Variants in TEX2 observed in about 807,000 individuals in gnomAD.
TEX2 encodes testis-expressed protein 2.
A neutral mutation model predicts 106.9 loss-of-function variants in TEX2; 53 were observed. The observed-to-expected ratio is 0.50, with a 90% CI of 0.40 to 0.62. The LOEUF (loss-of-function observed/expected upper bound fraction) is 0.62. Ranked by LOEUF, TEX2 falls within the 20% of genes least tolerant of loss-of-function variation. The probability of loss-of-function intolerance (pLI) is 0.00; values close to 1 mark genes in which losing one functional copy is unlikely to be tolerated. For synonymous variants in TEX2, 523 were observed against 534.8 expected (o/e 0.98, Z 0.30); for missense variants, 1,207 against 1,379.0 (o/e 0.88, Z 1.98).
At chr17:64,201,059 A>C (rs1361392663) in intron 2 of TEX2, among the ~76,000 whole-genome samples, 1 of 152,222 alleles carries the variant, frequency 6.6e-6, no homozygotes, top group African/African-American at 2.4e-5. Context: ...TTGTTAGCCT[A>C]AATGAGACCC....
chr17:64,197,988 T>G (rs1382085600), intron 2 of TEX2, among the ~76,000 whole-genome samples: 2 of 152,220 alleles, frequency 1.3e-5, no homozygotes, highest in Admixed American at 6.5e-5. Context: ...GACTTTATCT[T>G]TAGGCCCACA....
chr17:64,188,429 G>A lies in TEX2; in HGVS notation c.2177-14C>T. On this transcript the variant is annotated splice_polypyrimidine_tract_variant and intron_variant, in intron 4 of 11. Transcript: ENST00000584379. ...CAGGCAAAAGCCCTGGAGCCAAGAA[G>A]ACGGGGGCTATTCACACAATGAAGA... The A allele has an allele frequency of 6.2e-7, 1 of 1,613,818 alleles. No homozygotes were observed. The highest frequency in any genetic ancestry group is 8.5e-7 in the Non-Finnish European group (1 of 1,179,842).
At chr17:64,179,766 A>AT (rs1029388729) in intron 5 of TEX2, among the ~76,000 whole-genome samples, 14 of 73,704 alleles carry the variant, frequency 1.9e-4, no homozygotes, top group Non-Finnish European at 3.2e-4. Context: ...GGTGAGTCTC[A>AT]TTTAAAAAAA....
At chr17:64,239,904 A>AAAAAAAAAT in intron 1 of TEX2, among the ~76,000 whole-genome samples, 1 of 118,848 alleles carries the variant, frequency 8.4e-6, no homozygotes, top group Non-Finnish European at 1.8e-5. Context: ...AAAAAAAAAA[A>AAAAAAAAAT]GCAGAGAAGA....
intron 1 of TEX2, chr17:64,230,581 T>C (rs1555634507): frequency 2.0e-5 from 3 of 152,182 alleles, no homozygotes; most frequent in Non-Finnish European, 2.9e-5. Flanking sequence ...GTTCAGTTAG[T>C]AGTAAATCAG....
At chr17:64,159,950 C>G (rs1414815654) in intron 8 of TEX2, among the ~76,000 whole-genome samples, 3 of 152,262 alleles carry the variant, frequency 2.0e-5, no homozygotes, top group Non-Finnish European at 4.4e-5. Context: ...AGGTCAGTAC[C>G]AGAACCAAGC....
intron 1 of TEX2, among the ~76,000 whole-genome samples, chr17:64,226,993 C>T (rs181587685): frequency 6.6e-6 from 1 of 151,954 alleles, no homozygotes; most frequent in South Asian, 2.1e-4. Context: ...TTTGGGAGGT[C>T]GAGGCAGGCA....
At chr17:64,252,617 T>C (rs2034113146) in intron 1 of TEX2, among the ~76,000 whole-genome samples, 1 of 152,152 alleles carries the variant, frequency 6.6e-6, no homozygotes, top group South Asian at 2.1e-4. Flanking sequence ...TGCTCAGCCA[T>C]ATAACCAAGT....
chr17:64,163,871 TGTA>T (rs938563156), intron 7 of TEX2, among the ~76,000 whole-genome samples: 6 of 152,248 alleles, frequency 3.9e-5, no homozygotes, highest in Admixed American at 2.0e-4. Flanking sequence ...CCCTTTCTTT[TGTA>T]GTCTTGACAA....
At chr17:64,245,183 G>T (rs539763333) in intron 1 of TEX2, among the ~76,000 whole-genome samples, 1 of 152,198 alleles carries the variant, frequency 6.6e-6, no homozygotes, top group African/African-American at 2.4e-5. Flanking sequence ...TTTTTACAAT[G>T]ACTACATGTA....
At chr17:64,253,589 T>C (rs1555637316) in intron 1 of TEX2, among the ~76,000 whole-genome samples, 1 of 152,058 alleles carries the variant, frequency 6.6e-6, no homozygotes, top group East Asian at 1.9e-4. Context: ...AGATGGTTGT[T>C]TGCACCAAAC....
At chr17:64,168,063 G>A (rs1037336512) in intron 7 of TEX2, among the ~76,000 whole-genome samples, 3 of 151,844 alleles carry the variant, frequency 2.0e-5, no homozygotes, top group African/African-American at 7.3e-5. Context: ...TAAAAAGAAT[G>A]TGAGGGGATC....
chr17:64,250,939 G>A (rs1419909233), intron 1 of TEX2, among the ~76,000 whole-genome samples: 1 of 152,136 alleles, frequency 6.6e-6, no homozygotes, highest in Non-Finnish European at 1.5e-5. Flanking sequence ...GGATCCACCT[G>A]CCTCAGCCTC....
At chr17:64,159,734 A>G (rs1433978312) in intron 8 of TEX2, among the ~76,000 whole-genome samples, 1 of 152,250 alleles carries the variant, frequency 6.6e-6, no homozygotes, top group Admixed American at 6.5e-5. Flanking sequence ...GAATCCAAAC[A>G]TATTTTAACA....
rs187252312 is a variant in TEX2 at position 64,208,616 on chromosome 17, G to A, written c.1644+3958C>T. On this transcript the variant is annotated intron_variant, in intron 2 of 11. Coordinates refer to ENST00000584379, the MANE Select transcript of TEX2 (RefSeq NM_001288732.2). ...TTAAACCCTATTTTTTTTAAAGCAA[G>A]CATCAAGGATTTATTTTATTTTTTT... Among the ~76,000 whole-genome samples, 175 of 151,206 alleles carry A rather than the reference G, an allele frequency of 1.2e-3. 2 individuals carry two copies. The highest frequency in any genetic ancestry group is 0.011 in the Admixed American group (174 of 15,188).
chr17:64,254,542 T>C (rs2034150692), intron 1 of TEX2, among the ~76,000 whole-genome samples: 1 of 152,256 alleles, frequency 6.6e-6, no homozygotes, highest in African/African-American at 2.4e-5. Flanking sequence ...AAATGTTTAA[T>C]GGTCTGTTGT....
Position 64,217,127 on chromosome 17 carries a change from C to G in TEX2, c.-25-2885G>C, listed in dbSNP as rs79543343. On this transcript the variant is annotated intron_variant, in intron 1 of 11. Transcript: ENST00000584379. This position sits in a 1 kb window ranked among gnomAD's most constrained non-coding sequence, Gnocchi z 4.3. Reference sequence around the variant, plus strand: ...AAATGAGGGGATTAGGCTAGATAAACAAAGGCTGCTTCCAGGCCCCAAACT... The same window carrying G: ...AAATGAGGGGATTAGGCTAGATAAAGAAAGGCTGCTTCCAGGCCCCAAACT... 5.5e-3 allele frequency among the ~76,000 whole-genome samples: 839 copies of G among 152,300 alleles called. 6 individuals are homozygous for G. The highest frequency in any genetic ancestry group is 0.031 in the Middle Eastern group (9 of 294).
intron 8 of TEX2, among the ~76,000 whole-genome samples, chr17:64,159,445 A>G (rs1433653125): frequency 6.6e-6 from 1 of 152,182 alleles, no homozygotes; most frequent in Non-Finnish European, 1.5e-5. Context: ...AGGACAAGGA[A>G]TTGAGTCTGA....
At chr17:64,183,013 C>T (rs1244637146) in intron 5 of TEX2, among the ~76,000 whole-genome samples, 1 of 151,658 alleles carries the variant, frequency 6.6e-6, no homozygotes, top group African/African-American at 2.4e-5. Context: ...TCAAGCCATT[C>T]TTGTGCCTCA....
Sources: gnomAD v4.1 joint callset for allele counts (sites outside exome capture counted in the v4.1 genomes callset) on GRCh38, gnomAD v4.1.1 for gene constraint, Gnocchi (gnomAD v3.1) non-coding constraint, MANE v1.5 for transcripts, NCBI Gene and HGNC (gene_info 2026-07-23, HGNC 2026-07-21) for gene names.